STAMBPL1: variants seen among roughly 807,000 people sequenced by gnomAD.
STAMBPL1 encodes the protein AMSH-like protease.
A neutral mutation model predicts 52.9 loss-of-function variants in STAMBPL1; 44 were observed. The observed-to-expected ratio is 0.83, with a 90% confidence interval of 0.65 to 1.07. The LOEUF (loss-of-function observed/expected upper bound fraction) is 1.07. Ranked by LOEUF, STAMBPL1 falls within the 50% of genes least tolerant of loss-of-function variation. The probability of loss-of-function intolerance (pLI) is 0.00; values close to 1 mark genes in which losing one functional copy is unlikely to be tolerated. For synonymous variants in STAMBPL1, 164 were observed against 177.3 expected, an observed-to-expected ratio of 0.92 and a Z score of 0.60; for missense variants, 511 against 520.8, an observed-to-expected ratio of 0.98 and a Z score of 0.18.
intron 1 of STAMBPL1, among the ~76,000 whole-genome samples, chr10:88,900,709 G>A (rs1844923683): frequency 6.6e-6 from 1 of 152,112 alleles, no homozygotes; most frequent in African/African-American, 2.4e-5. Context: ...GTTTTCTATT[G>A]CTGCTTTACA....
In STAMBPL1 at chr10:88,913,126, A is replaced by G. The variant is rs1375177412; in HGVS notation, c.446A>G (p.Lys149Arg). The G allele has an allele frequency of 2.1e-5, 34 of 1,598,782 alleles. No homozygotes were observed. The highest frequency in any genetic ancestry group is 1.7e-4 in the Middle Eastern group (1 of 5,980). Residue 149 changes from lysine (K) to arginine (R), a missense_variant, in exon 6 of 11, where the codon AAA becomes AGA. Coordinates refer to ENST00000371926, the MANE Select transcript of STAMBPL1 (RefSeq NM_020799.4). ...AACAAATATAAAGCTGAAATTCTCA[A>G]AAAATTGGAGCATCAGAGATTGATA... The part of the protein sequence containing the change: ...SKNKYKAEIL[K>R]KLEHQRLIEA...
At chr10:88,918,908 A>G (rs1322122216) in intron 8 of STAMBPL1, among the ~76,000 whole-genome samples, 1 of 152,186 alleles carries the variant, frequency 6.6e-6, no homozygotes, top group Non-Finnish European at 1.5e-5. Context: ...AAGTTGTTTA[A>G]TAAGTTTAGC....
intron 2 of STAMBPL1, 60 bp from the exon 3 acceptor site, chr10:88,905,383 G>A (rs1253155829): frequency 1.2e-5 from 16 of 1,319,702 alleles, no homozygotes; most frequent in Non-Finnish European, 1.5e-5. Context: ...CATAATATTA[G>A]TCATATCCTT....
intron 6 of STAMBPL1, 21 bp downstream of exon 6, chr10:88,913,479 A>G (rs751860909): frequency 4.7e-5 from 75 of 1,585,726 alleles, no homozygotes; most frequent in Non-Finnish European, 6.3e-5. Flanking sequence ...AAATGCACCC[A>G]TGTGAGACAC....
At chr10:88,891,957 C>A (rs1294157475) in intron 1 of STAMBPL1, among the ~76,000 whole-genome samples, 1 of 151,576 alleles carries the variant, frequency 6.6e-6, no homozygotes, top group African/African-American at 2.4e-5. Flanking sequence ...AGTTGGGTAT[C>A]CTGGTGGAAA....
intron 9 of STAMBPL1, among the ~76,000 whole-genome samples, chr10:88,922,084 G>C (rs886317133): frequency 2.6e-5 from 4 of 151,920 alleles, no homozygotes; most frequent in African/African-American, 9.7e-5. Context: ...CTTTCCTCTG[G>C]GGTCACACAC....
At chr10:88,914,723 G>T (rs1845326650) in intron 7 of STAMBPL1, 65 bp downstream of exon 7, 16 of 710,182 alleles carry the variant, frequency 2.3e-5, no homozygotes, top group Non-Finnish European at 2.3e-5. Context: ...AATAGTACTA[G>T]ATTTCTTCTG....
intron 8 of STAMBPL1, among the ~76,000 whole-genome samples, chr10:88,917,526 T>C (rs890961721): frequency 6.6e-6 from 1 of 151,628 alleles, no homozygotes; most frequent in Non-Finnish European, 1.5e-5. Context: ...AGTTTTATCA[T>C]CCATAAAGTG....
intron 1 of STAMBPL1, 22 bp from the exon 2 acceptor site, chr10:88,901,634 C>A (rs976328880): frequency 1.3e-6 from 2 of 1,517,536 alleles, no homozygotes; most frequent in South Asian, 2.4e-5. Context: ...AACTTTAGTT[C>A]TGCTTCTTGT....
chr10:88,916,740 T>C lies in STAMBPL1; in HGVS notation c.964T>C (p.Tyr322His), dbSNP rs1845381201. 3.1e-6 allele frequency: 5 copies of C among 1,610,742 alleles called. No homozygotes were observed. The highest frequency in any genetic ancestry group is 4.2e-6 in the Non-Finnish European group (5 of 1,178,554). The change falls in exon 8 of 11, where the codon TAT (tyrosine) becomes CAT (histidine). Residue 322 changes from tyrosine (Y) to histidine (H), a missense_variant. Tyr to His is a moderately conservative substitution (Grantham distance 83). Transcript: ENST00000371926. ...IVPKQSAGPD[Y>H]CDMENVEELF... ...GCCAAAGCAGTCTGCGGGACCAGACTATTGTGACATGGAGAATGTAGAGGA... is the reference window on the plus strand; with the variant it reads ...GCCAAAGCAGTCTGCGGGACCAGACCATTGTGACATGGAGAATGTAGAGGA...
chr10:88,913,568 C>G (rs1845286222), intron 6 of STAMBPL1, 110 bp downstream of exon 6: 1 of 885,832 alleles, frequency 1.1e-6, no homozygotes, highest in South Asian at 1.7e-5. Context: ...GTAGTAGGAC[C>G]CCTGCATAAT....
intron 1 of STAMBPL1, chr10:88,882,453 T>A (rs998744628): frequency 6.6e-6 from 1 of 152,230 alleles, no homozygotes; most frequent in Non-Finnish European, 1.5e-5. Context: ...GATCATTTCC[T>A]TCCTTTAGGA....
intron 1 of STAMBPL1, among the ~76,000 whole-genome samples, chr10:88,887,868 A>G (rs1844577435): frequency 1.3e-5 from 2 of 152,236 alleles, no homozygotes; most frequent in African/African-American, 4.8e-5. Flanking sequence ...GCAGGTGCTC[A>G]GTAAACCACC....
intron 4 of STAMBPL1, among the ~76,000 whole-genome samples, chr10:88,910,651 C>T (rs1483588945): frequency 6.6e-6 from 1 of 152,200 alleles, no homozygotes; most frequent in Admixed American, 6.5e-5. Context: ...TAGCTATTTA[C>T]ATTTTATAGC....
chr10:88,914,508 C>T (rs199673105), intron 6 of STAMBPL1, 26 bp from the exon 7 acceptor site: 6 of 1,459,278 alleles, frequency 4.1e-6, no homozygotes, highest in South Asian at 1.5e-5. Context: ...TGTTTTTTAG[C>T]CTTTTCTCCC....
chr10:88,922,542 C>A, intron 10 of STAMBPL1, 106 bp downstream of exon 10: 2 of 987,410 alleles, frequency 2.0e-6, no homozygotes, highest in South Asian at 1.6e-5. Context: ...AAATACTGTA[C>A]TGCTTAGTTT....
rs117275150 is a variant in STAMBPL1 at position 88,909,959 on chromosome 10, G to A, written c.325-957G>A. 8.2e-3 allele frequency among the ~76,000 whole-genome samples: 1,254 copies of A among 152,084 alleles called. 46 individuals are homozygous for A. The East Asian group carries it at 0.12, about 15-fold the overall frequency. ...GTATCATTTATTATCATGTCTTTGT[G>A]TAACATTTCCCCTCAGTTCTCTTGT... On this transcript the variant is annotated intron_variant, in intron 4 of 10. Coordinates refer to ENST00000371926, the MANE Select transcript of STAMBPL1 (RefSeq NM_020799.4).
chr10:88,891,852 T>C (rs1006331340), intron 1 of STAMBPL1, among the ~76,000 whole-genome samples: 5 of 152,116 alleles, frequency 3.3e-5, no homozygotes, highest in African/African-American at 1.2e-4. Flanking sequence ...ATAAGTAACA[T>C]TGAATAAATG....
At chr10:88,906,160 A>G (rs1180331645) in intron 3 of STAMBPL1, among the ~76,000 whole-genome samples, 1 of 152,234 alleles carries the variant, frequency 6.6e-6, no homozygotes, top group Admixed American at 6.5e-5. Flanking sequence ...TTCAAGTTTC[A>G]TATAGCACTT....
Sources: gnomAD v4.1 joint callset for allele counts (sites outside exome capture counted in the v4.1 genomes callset) on GRCh38, gnomAD v4.1.1 for gene constraint, MANE v1.5 for transcripts, NCBI Gene and HGNC (gene_info 2026-07-23, HGNC 2026-07-21) for gene names.